Variants in SP140 observed in about 807,000 individuals in gnomAD.
SP140 encodes the protein SP140 nuclear body protein.
Under a neutral mutation model 125.0 loss-of-function variants are expected in SP140, and 81 were observed. The ratio of observed to expected loss-of-function variants is 0.65; its 90% CI spans 0.54 to 0.78. SP140 has a LOEUF of 0.78. Among genes scored for constraint, SP140 ranks in the 30% least tolerant of loss-of-function variants. The pLI is 0.00. For synonymous variants in SP140, 312 were observed against 354.0 expected, an observed-to-expected ratio of 0.88 and a Z score of 1.33; for missense variants, 858 against 1,037.0, an observed-to-expected ratio of 0.83 and a Z score of 2.37.
At chr2:230,248,633 G>T (rs1285534869) in intron 8 of SP140, among the ~76,000 whole-genome samples, 1 of 152,188 alleles carries the variant, frequency 6.6e-6, no homozygotes, top group Admixed American at 6.5e-5. Flanking sequence ...CAGGAGACAA[G>T]AGAAGCCAGT....
At chr2:230,241,178 A>G (rs1459714891) in intron 3 of SP140, among the ~76,000 whole-genome samples, 3 of 152,118 alleles carry the variant, frequency 2.0e-5, no homozygotes, top group Non-Finnish European at 4.4e-5. Flanking sequence ...GCACAAAGCA[A>G]TTTTCTGGGA....
chr2:230,241,337 T>G (rs2048698645), intron 3 of SP140, 67 bp from the exon 4 acceptor site: 1 of 975,950 alleles, frequency 1.0e-6, no homozygotes, highest in Non-Finnish European at 1.7e-6. Context: ...AAGTTCATCT[T>G]GAGCACACTG....
At chr2:230,226,343 T>A (rs1574852857) in intron 1 of SP140, among the ~76,000 whole-genome samples, 1 of 152,206 alleles carries the variant, frequency 6.6e-6, no homozygotes, top group Admixed American at 6.5e-5. Flanking sequence ...TGGGGACCGG[T>A]TCTGCTCTGA....
chr2:230,256,637 G>A lies in SP140; in HGVS notation c.1240+1105G>A, dbSNP rs540192159. 1.4e-3 allele frequency among the ~76,000 whole-genome samples: 207 copies of A among 152,170 alleles called. 1 individual carries two copies. The highest frequency in any genetic ancestry group is 4.4e-3 in the African/African-American group (184 of 41,512). On this transcript the variant is annotated intron_variant, in intron 12 of 26. Coordinates refer to ENST00000392045, the MANE Select transcript of SP140 (RefSeq NM_007237.5). ...GTATACATATGTAACAAACCTGCAC[G>A]TTGTGCACATGTACCCTAAAACTTA... is the stretch of plus-strand genomic sequence containing the variant.
At chr2:230,233,886 A>C (rs373550114) in intron 1 of SP140, among the ~76,000 whole-genome samples, 7 of 152,352 alleles carry the variant, frequency 4.6e-5, no homozygotes, top group African/African-American at 1.7e-4. Context: ...AGAGAATGAG[A>C]AAGATAAAGG....
the SP140 span, among the ~76,000 whole-genome samples, chr2:230,193,257 T>G: frequency 4.6e-5 from 7 of 152,200 alleles, no homozygotes; most frequent in Non-Finnish European, 4.4e-5. Flanking sequence ...GTGTGTTAAG[T>G]GAGTCTCTTG....
At chr2:230,267,857 A>G (rs989168354) in intron 12 of SP140, among the ~76,000 whole-genome samples, 9 of 152,214 alleles carry the variant, frequency 5.9e-5, no homozygotes, top group African/African-American at 2.2e-4. Context: ...TCTTTCACAA[A>G]TTGACAAGAC....
In SP140 at chr2:230,269,862, T is replaced by C; in HGVS notation, c.1353T>C (p.Asn451=). 1 of 1,613,838 alleles carries C rather than the reference T, an allele frequency of 6.2e-7. No homozygotes were observed. The highest frequency in any genetic ancestry group is 8.5e-7 in the Non-Finnish European group (1 of 1,179,872). The change falls in exon 14 of 27, where the codon AAT becomes AAC. Residue 451 remains asparagine (N), a synonymous_variant. Transcript: ENST00000392045. ...GAGCGGAGCAATCAGCATATGAAAA[T>C]GAGAAGTGTTCCTGTGTCATGTGTT... ...VPGAEQSAYE[N]EKCSCVMCFS...
rs773104487 is a variant in SP140 at position 230,238,287 on chromosome 2, G to T, written c.312G>T (p.Lys104Asn). Reference sequence around the variant, plus strand: ...ATTGTGTACTCAGTGAACTGGAGAAGACATTTGGCTGGTCACATCTGGAAG... The same window carrying T: ...ATTGTGTACTCAGTGAACTGGAGAATACATTTGGCTGGTCACATCTGGAAG... ...VMYCVLSELE[K>N]TFGWSHLEAL... The change falls in exon 3 of 27, where the codon AAG (lysine) becomes AAT (asparagine). Residue 104 changes from lysine (K) to asparagine (N), a missense_variant. Physicochemically the swap from Lys to Asn is moderately conservative, Grantham distance 94. Coordinates refer to ENST00000392045, the MANE Select transcript of SP140 (RefSeq NM_007237.5). 6.2e-7 allele frequency: 1 copy of T among 1,613,882 alleles called. No individual in the cohort carries two copies. The highest frequency in any genetic ancestry group is 8.5e-7 in the Non-Finnish European group (1 of 1,179,782).
rs2044904428 is a variant in SP140 at position 230,214,700 on chromosome 2, G to A, written c.-91+626G>A. ...TATAGATTTTCCAGTATGCCAAATT[G>A]TATGATTTTTTTCCAAATTCATAGA... is the stretch of plus-strand genomic sequence containing the variant. On this transcript the variant is annotated intron_variant, in intron 3 of 4. Transcript: ENST00000456542. Among the ~76,000 whole-genome samples, 4 of 152,082 alleles carry A rather than the reference G, an allele frequency of 2.6e-5. No homozygotes were observed. In the South Asian group the frequency reaches 6.2e-4, roughly 24 times the overall value.
the SP140 span, chr2:230,186,255 T>C: frequency 9.7e-7 from 1 of 1,030,242 alleles, no homozygotes; most frequent in Non-Finnish European, 1.5e-6. Flanking sequence ...TTTTCTTGTG[T>C]GTATCTTTCT....
chr2:230,244,893 T>C (rs1045870110), intron 5 of SP140, 95 bp from the exon 6 acceptor site: 9 of 834,264 alleles, frequency 1.1e-5, no homozygotes, highest in Non-Finnish European at 1.8e-5. Context: ...TAGTGTTTTT[T>C]TGCAAGGAGA....
At chr2:230,236,306 CTCTT>C (rs1384416439) in intron 1 of SP140, among the ~76,000 whole-genome samples, 1 of 152,226 alleles carries the variant, frequency 6.6e-6, no homozygotes, top group Admixed American at 6.5e-5. Flanking sequence ...GAGATTTCCT[CTCTT>C]TGTTGTTAAC....
At chr2:230,282,907 T>C (rs1465007209) in intron 15 of SP140, among the ~76,000 whole-genome samples, 2 of 152,192 alleles carry the variant, frequency 1.3e-5, no homozygotes, top group Admixed American at 1.3e-4. Flanking sequence ...GGTTCCCAGT[T>C]CTGTTTATCC....
intron 19 of SP140, among the ~76,000 whole-genome samples, 190 bp from the exon 20 acceptor site, chr2:230,292,456 C>T (rs183468646): frequency 6.6e-6 from 1 of 152,210 alleles, no homozygotes; most frequent in Non-Finnish European, 1.5e-5. Context: ...TGCACCCCCA[C>T]CAGGAAATAT....
upstream of SP140, among the ~76,000 whole-genome samples, chr2:230,199,099 T>G (rs976554784): frequency 2.6e-5 from 4 of 151,392 alleles, no homozygotes; most frequent in African/African-American, 9.7e-5. Context: ...ACACCAGCTC[T>G]TGACCACCTA....
At chr2:230,293,568 G>A (rs780025933) in intron 20 of SP140, among the ~76,000 whole-genome samples, 4 of 152,078 alleles carry the variant, frequency 2.6e-5, no homozygotes, top group South Asian at 2.1e-4. Flanking sequence ...AATTCCTGGC[G>A]TCAAGCGGGA....
At chr2:230,224,094 C>T (rs2046044846), upstream of SP140, among the ~76,000 whole-genome samples, 1 of 152,198 alleles carries the variant, frequency 6.6e-6, no homozygotes, top group Non-Finnish European at 1.5e-5. Context: ...AAATTTCAGG[C>T]TATCCTTACC....
chr2:230,302,514 T>G (rs1384570683), intron 22 of SP140, among the ~76,000 whole-genome samples: 6 of 152,306 alleles, frequency 3.9e-5, no homozygotes, highest in African/African-American at 1.4e-4. Context: ...AGACAGAAAG[T>G]CAACCAAGAA....
Sources: gnomAD v4.1 joint callset for allele counts (sites outside exome capture counted in the v4.1 genomes callset) on GRCh38, gnomAD v4.1.1 for gene constraint, MANE v1.5 for transcripts, NCBI Gene and HGNC (gene_info 2026-07-23, HGNC 2026-07-21) for gene names.